The following SORCS1 variants were observed in gnomAD, a reference collection of about 807,000 sequenced individuals.
SORCS1 encodes the protein VPS10 domain-containing receptor SorCS1.
In SORCS1, 60 loss-of-function variants were observed where a neutral mutation model predicts 146.1. The ratio of observed to expected loss-of-function variants is 0.41; its 90% CI spans 0.33 to 0.51. The LOEUF (loss-of-function observed/expected upper bound fraction) is 0.51, where lower values mean the gene tolerates loss of function less well. Among genes scored for constraint, SORCS1 ranks in the 20% least tolerant of loss-of-function variants. The probability of loss-of-function intolerance (pLI) is 0.21; values close to 1 mark genes in which losing one functional copy is unlikely to be tolerated. For missense variants in SORCS1, 1,352 were observed against 1,487.6 expected (o/e 0.91, Z 1.50); for synonymous variants, 637 against 584.0 (o/e 1.09, Z -1.31).
intron 3 of SORCS1, among the ~76,000 whole-genome samples, chr10:106,790,231 T>C (rs1448560683): frequency 6.6e-6 from 1 of 152,136 alleles, no homozygotes; most frequent in East Asian, 1.9e-4. Flanking sequence ...TGCTCAACAA[T>C]TGGTACTGGA....
intron 1 of SORCS1, among the ~76,000 whole-genome samples, chr10:107,111,835 G>T (rs1335335104): frequency 5.3e-5 from 8 of 152,234 alleles, no homozygotes; most frequent in African/African-American, 1.9e-4. Flanking sequence ...AGAGAAAAGA[G>T]ACTTGTCACA....
intron 18 of SORCS1, among the ~76,000 whole-genome samples, chr10:106,634,934 T>C (rs1281329076): frequency 1.3e-5 from 2 of 152,186 alleles, no homozygotes; most frequent in Non-Finnish European, 1.5e-5. Context: ...GATCTAATGC[T>C]CTTTAGTCAC....
chr10:106,976,514 G>C (rs1316930643), intron 1 of SORCS1, among the ~76,000 whole-genome samples: 7 of 151,860 alleles, frequency 4.6e-5, no homozygotes, highest in African/African-American at 1.7e-4. Context: ...TGTATTTTTA[G>C]TAGAGATGGG....
intron 1 of SORCS1, among the ~76,000 whole-genome samples, chr10:107,124,284 G>A (rs750646768): frequency 6.6e-5 from 10 of 152,028 alleles, no homozygotes; most frequent in East Asian, 3.9e-4. Flanking sequence ...TTCATGACTC[G>A]TTCCAAAATT....
chr10:106,908,953 T>C (rs1280423230), intron 2 of SORCS1, among the ~76,000 whole-genome samples: 1 of 152,208 alleles, frequency 6.6e-6, no homozygotes. Context: ...TTTATCTTCA[T>C]GGTACTTGTA....
chr10:107,112,840 C>T lies in SORCS1; in HGVS notation c.558+51129G>A, dbSNP rs371692096. On this transcript the variant is annotated intron_variant, in intron 1 of 25. Transcript: ENST00000263054. ...TAAATATATATGCACTCAACACTGA[C>T]GCACCTAAACATATAAGGCAAAAAT... Among the ~76,000 whole-genome samples, 112 of 152,180 alleles carry T rather than the reference C, an allele frequency of 7.4e-4. No individual in the cohort carries two copies. In the East Asian group the frequency reaches 0.01, roughly 14 times the overall value.
rs1967900962 is a variant in SORCS1, at chr10:107,142,192, T to C, written c.558+21777A>G. On this transcript the variant is annotated intron_variant, in intron 1 of 25. Transcript: ENST00000263054. ...TTACTTGTGGTTTCCAAGTGCAGCC[T>C]TTGGCAGAGGTTTGCGAGGAGGAAA... Among the ~76,000 whole-genome samples, 3 of 152,164 alleles carry C rather than the reference T, an allele frequency of 2.0e-5. No homozygotes were observed. The South Asian group carries it at 6.2e-4, about 32-fold the overall frequency.
At chr10:107,114,257 T>G (rs1477870383) in intron 1 of SORCS1, among the ~76,000 whole-genome samples, 1 of 152,104 alleles carries the variant, frequency 6.6e-6, no homozygotes, top group Non-Finnish European at 1.5e-5. Flanking sequence ...GGAGAGGACA[T>G]CTCCAAACTA....
At chr10:106,661,963 C>T (rs1850762568) in intron 17 of SORCS1, among the ~76,000 whole-genome samples, 1 of 152,242 alleles carries the variant, frequency 6.6e-6, no homozygotes, top group African/African-American at 2.4e-5. Context: ...GCAGGCTCTA[C>T]TGTTCCACTG....
chr10:106,863,137 A>G (rs1950087777), intron 2 of SORCS1, among the ~76,000 whole-genome samples: 1 of 152,228 alleles, frequency 6.6e-6, no homozygotes, highest in East Asian at 1.9e-4. Context: ...GTGTCCTGCT[A>G]CACTTCAGAA....
At chr10:107,076,164 C>G (rs1962865646) in intron 1 of SORCS1, among the ~76,000 whole-genome samples, 2 of 152,014 alleles carry the variant, frequency 1.3e-5, no homozygotes, top group Non-Finnish European at 2.9e-5. Context: ...AAGTCTGTTG[C>G]TAGGTTTTCG....
intron 18 of SORCS1, among the ~76,000 whole-genome samples, chr10:106,642,971 C>A (rs1849170592): frequency 6.6e-6 from 1 of 152,194 alleles, no homozygotes; most frequent in South Asian, 2.1e-4. Context: ...CCTTTTCTTT[C>A]TACTCCTTGA....
the SORCS1 span, among the ~76,000 whole-genome samples, chr10:107,173,924 C>A: frequency 0.01 from 1,556 of 152,258 alleles, 25 homozygotes; most frequent in African/African-American, 0.036. Flanking sequence ...GCTAACAAAG[C>A]ACTTCTTAAT....
intron 2 of SORCS1, among the ~76,000 whole-genome samples, chr10:106,946,419 T>C (rs1258899286): frequency 1.3e-5 from 2 of 152,236 alleles, no homozygotes; most frequent in Non-Finnish European, 2.9e-5. Context: ...GGTAATTGAA[T>C]CATGGGAGCG....
rs565239137 is a variant in SORCS1, at chr10:106,803,472, T to A, written c.726+26102A>T. Among the ~76,000 whole-genome samples the A allele has an allele frequency of 2.0e-5, 3 of 152,176 alleles. No homozygotes were observed. The South Asian group carries it at 6.2e-4, about 32-fold the overall frequency. Reference sequence around the variant, plus strand: ...TTTGATGTCTAGCACTAGTTTTCATTCTCACAATACTTTGTACATTTGAGT... The same window carrying A: ...TTTGATGTCTAGCACTAGTTTTCATACTCACAATACTTTGTACATTTGAGT... On this transcript the variant is annotated intron_variant, in intron 3 of 25. Coordinates refer to ENST00000263054, the MANE Select transcript of SORCS1 (RefSeq NM_052918.5).
the SORCS1 span, among the ~76,000 whole-genome samples, chr10:107,169,796 C>T: frequency 1.2e-4 from 19 of 152,076 alleles, no homozygotes; most frequent in Non-Finnish European, 2.5e-4. Context: ...TATCCTTTTC[C>T]CCCCTGTTTT....
At chr10:106,958,649 G>GGTTC (rs142925093) in intron 1 of SORCS1, among the ~76,000 whole-genome samples, 2 of 151,656 alleles carry the variant, frequency 1.3e-5, no homozygotes, top group Non-Finnish European at 2.9e-5. Flanking sequence ...CTACAGCACA[G>GGTTC]CTTCCTTCCT....
intron 5 of SORCS1, among the ~76,000 whole-genome samples, chr10:106,741,622 T>TAG (rs796180878): frequency 3.3e-5 from 5 of 150,672 alleles, no homozygotes; most frequent in Admixed American, 6.6e-5. Flanking sequence ...TAATTATATA[T>TAG]AGAGAGAGAG....
intron 2 of SORCS1, among the ~76,000 whole-genome samples, chr10:106,926,380 T>C (rs552569877): frequency 6.6e-6 from 1 of 152,304 alleles, no homozygotes; most frequent in East Asian, 1.9e-4. Flanking sequence ...TAACCAGCTA[T>C]TTAATACTGA....
Sources: gnomAD v4.1 joint callset for allele counts (sites outside exome capture counted in the v4.1 genomes callset) on GRCh38, gnomAD v4.1.1 for gene constraint, MANE v1.5 for transcripts, NCBI Gene and HGNC (gene_info 2026-07-23, HGNC 2026-07-21) for gene names.